Variants in GARS1 observed in about 807,000 individuals in gnomAD.
The protein encoded by GARS1 is glycyl-tRNA synthetase 1, also known as glycine--tRNA ligase.
GARS1 carries 46 observed loss-of-function variants against 86.4 expected under a neutral mutation model. The ratio of observed to expected loss-of-function variants is 0.53; its 90% confidence interval spans 0.42 to 0.68. The LOEUF (loss-of-function observed/expected upper bound fraction) is 0.68, where lower values mean the gene tolerates loss of function less well. Among genes scored for constraint, GARS1 ranks in the 30% least tolerant of loss-of-function variants. The pLI, the probability that GARS1 is intolerant of heterozygous loss-of-function variation, is 0.00. For synonymous variants in GARS1, 342 were observed against 329.8 expected, an observed-to-expected ratio of 1.04 and a Z score of -0.40; for missense variants, 797 against 915.6, an observed-to-expected ratio of 0.87 and a Z score of 1.67.
At chr7:30,622,228 G>T in intron 11 of GARS1, 89 bp from the exon 12 acceptor site, 4 of 1,514,402 alleles carry the variant, frequency 2.6e-6, no homozygotes, top group Non-Finnish European at 3.7e-6. Context: ...AGCTGGCATG[G>T]TTTTAAGTTG....
intron 1 of GARS1, among the ~76,000 whole-genome samples, chr7:30,596,637 T>G (rs754256419): frequency 6.6e-6 from 1 of 152,214 alleles, no homozygotes; most frequent in Non-Finnish European, 1.5e-5. Flanking sequence ...ACTACTGTCT[T>G]GTGTATTGTT....
intron 10 of GARS1, 99 bp from the exon 11 acceptor site, chr7:30,621,294 T>C (rs1783000581): frequency 2.1e-6 from 2 of 949,904 alleles, no homozygotes; most frequent in Admixed American, 3.4e-5. Flanking sequence ...CGAATTATCA[T>C]TGAATATATG....
rs1791442975 is a variant in GARS1 at position 30,604,432 on chromosome 7, C to T, written c.735+860C>T. Among the ~76,000 whole-genome samples the T allele has an allele frequency of 2.0e-5, 3 of 148,352 alleles. No individual in the cohort carries two copies. In the South Asian group the frequency reaches 6.3e-4, roughly 31 times the overall value. ...TTATACCTATTTTCTTTACACCGAT[C>T]TCTCTCTCTCTCTCTGCCTGAATAT... On this transcript the variant is annotated intron_variant, in intron 6 of 16. Coordinates refer to ENST00000389266, the MANE Select transcript of GARS1 (RefSeq NM_002047.4).
rs544634101 is a variant in GARS1 at position 30,632,339 on chromosome 7, G to A, written c.1996G>A (p.Val666Met). Residue 666 changes from valine (V) to methionine (M), a missense_variant, in exon 16 of 17, where the codon GTG becomes ATG. Transcript: ENST00000389266. The surrounding 1 kb of genome is among the most constrained non-coding windows in gnomAD (Gnocchi z 4.1). The part of the protein sequence containing the change: ...RRYARTDEIG[V>M]AFGVTIDFDT... ...CTATGCCAGGACTGATGAGATTGGCGTGGCTTTTGGTGTCACCATTGACTT... is the reference window on the plus strand; with the variant it reads ...CTATGCCAGGACTGATGAGATTGGCATGGCTTTTGGTGTCACCATTGACTT... 5.4e-5 allele frequency: 87 copies of A among 1,614,124 alleles called. 1 individual carries two copies. In the South Asian group the frequency reaches 8.7e-4, roughly 16 times the overall value.
intron 7 of GARS1, among the ~76,000 whole-genome samples, chr7:30,611,317 C>T (rs945491822): frequency 5.9e-5 from 9 of 152,158 alleles, no homozygotes; most frequent in African/African-American, 2.2e-4. Context: ...TGAGCCTATA[C>T]TGATTTCTTT....
At chr7:30,621,583 C>T in intron 11 of GARS1, 83 bp downstream of exon 11, 1 of 987,072 alleles carries the variant, frequency 1.0e-6, no homozygotes, top group Non-Finnish European at 1.6e-6. Context: ...TTACCTTGTT[C>T]TATGGATAAA....
chr7:30,605,861 T>G (rs927729787), intron 6 of GARS1, among the ~76,000 whole-genome samples: 1 of 152,206 alleles, frequency 6.6e-6, no homozygotes, highest in African/African-American at 2.4e-5. Flanking sequence ...GTGTTCATGT[T>G]TTCTAGGCTG....
chr7:30,604,500 C>G (rs1392507956), intron 6 of GARS1, among the ~76,000 whole-genome samples: 1 of 151,804 alleles, frequency 6.6e-6, no homozygotes, highest in African/African-American at 2.4e-5. Context: ...TTACTGGATA[C>G]TTTTCCACTG....
chr7:30,627,901 A>C (rs1254505565), intron 13 of GARS1, among the ~76,000 whole-genome samples: 4 of 152,222 alleles, frequency 2.6e-5, no homozygotes, highest in Non-Finnish European at 1.5e-5. Context: ...TAGATTTTTT[A>C]TGCTTTCTGG....
Position 30,603,087 on chromosome 7 carries a change from A to G in GARS1, c.623A>G (p.Asn208Ser), listed in dbSNP as rs757806757. ...GACTTCATGGTGAAAGACGTAAAAAATGGAGAATGTTTTCGTGCTGACCAT... is the reference window on the plus strand; with the variant it reads ...GACTTCATGGTGAAAGACGTAAAAAGTGGAGAATGTTTTCGTGCTGACCAT... ...FADFMVKDVK[N>S]GECFRADHLL... Residue 208 changes from asparagine to serine, a missense_variant, in exon 5 of 17, where the codon AAT (asparagine) becomes AGT (serine). By Grantham distance (46) the Asn-to-Ser change is conservative (BLOSUM62 1). This residue lies in a region of GARS1 where 598 missense variants were observed against 738.7 expected (regional missense o/e 0.81). Coordinates refer to ENST00000389266, the MANE Select transcript of GARS1 (RefSeq NM_002047.4). The G allele has an allele frequency of 4.3e-6, 7 of 1,613,832 alleles. No homozygotes were observed. Among genetic ancestry groups the G allele is most frequent in the African/African-American group, 1.3e-5 (1 of 74,936 alleles).
intron 9 of GARS1, 66 bp downstream of exon 9, chr7:30,616,124 C>T (rs1584038437): frequency 6.6e-7 from 1 of 1,526,656 alleles, no homozygotes; most frequent in South Asian, 1.1e-5. Flanking sequence ...TTAGCAAATT[C>T]TATGTGTTCT....
chr7:30,614,374 C>G (rs747653557), intron 8 of GARS1: 5 of 152,062 alleles, frequency 3.3e-5, no homozygotes, highest in Non-Finnish European at 7.3e-5. Flanking sequence ...TTTGGAGATT[C>G]TAGGCAGGGC....
chr7:30,632,381 A>AC lies in GARS1; in HGVS notation c.2044dup (p.His682ProfsTer9). 2 of 1,613,896 alleles carry AC rather than the reference A, an allele frequency of 1.2e-6. No individual in the cohort carries two copies. The highest frequency in any genetic ancestry group is 8.5e-7 in the Non-Finnish European group (1 of 1,179,978). On this transcript the variant is annotated frameshift_variant, in exon 16 of 17. Coordinates refer to ENST00000389266, the MANE Select transcript of GARS1 (RefSeq NM_002047.4). LOFTEE classifies it high-confidence loss of function. The surrounding 1 kb of genome is among the most constrained non-coding windows in gnomAD (Gnocchi z 4.1). ...CATTGACTTTGACACAGTGAACAAG[A>AC]CCCCCCACACTGCAACTCTGAGGGA...
At chr7:30,623,388 A>T (rs1783059386) in intron 12 of GARS1, among the ~76,000 whole-genome samples, 1 of 152,176 alleles carries the variant, frequency 6.6e-6, no homozygotes, top group Non-Finnish European at 1.5e-5. Context: ...ATGGAAAAAT[A>T]TATGTGTAAT....
At chr7:30,608,923 A>G (rs1791536967) in intron 6 of GARS1, among the ~76,000 whole-genome samples, 1 of 152,164 alleles carries the variant, frequency 6.6e-6, no homozygotes, top group African/African-American at 2.4e-5. Context: ...TTCTGTTAGG[A>G]AACTTTTAAG....
intron 3 of GARS1, among the ~76,000 whole-genome samples, chr7:30,600,366 C>T (rs578040573): frequency 6.6e-6 from 1 of 152,242 alleles, no homozygotes; most frequent in African/African-American, 2.4e-5. Context: ...AACAGAGGGC[C>T]ATTGTAGTAC....
chr7:30,617,314 T>A, intron 10 of GARS1, 36 bp downstream of exon 10: 1 of 1,607,726 alleles, frequency 6.2e-7, no homozygotes, highest in Non-Finnish European at 8.5e-7. Flanking sequence ...GATTTTCACA[T>A]TGTTAACTTA....
At chr7:30,612,369 CA>C in intron 8 of GARS1, 124 bp downstream of exon 8, 1 of 975,770 alleles carries the variant, frequency 1.0e-6, no homozygotes, top group Non-Finnish European at 1.6e-6. Context: ...TTGTTTTCTC[CA>C]AAAATCATGT....
chr7:30,632,383 C>T lies in GARS1; in HGVS notation c.2040C>T (p.Thr680=), dbSNP rs766958850. 2 of 1,614,034 alleles carry T rather than the reference C, an allele frequency of 1.2e-6. No homozygotes were observed. Among genetic ancestry groups the T allele is most frequent in the South Asian group, 2.2e-5 (2 of 91,066 alleles). ...VTIDFDTVNK[T]PHTATLRDRD... ...TTGACTTTGACACAGTGAACAAGAC[C>T]CCCCACACTGCAACTCTGAGGGACC... The change falls in exon 16 of 17, where the codon ACC becomes ACT. Residue 680 remains threonine, a synonymous_variant. Transcript: ENST00000389266. The surrounding 1 kb of genome is among the most constrained non-coding windows in gnomAD (Gnocchi z 4.1).
Sources: gnomAD v4.1 joint callset for allele counts (sites outside exome capture counted in the v4.1 genomes callset) on GRCh38, gnomAD v4.1.1 for gene constraint, gnomAD v4.1.1 regional missense constraint, Gnocchi (gnomAD v3.1) non-coding constraint, MANE v1.5 for transcripts, NCBI Gene and HGNC (gene_info 2026-07-23, HGNC 2026-07-21) for gene names.